PAK6: variants seen among roughly 807,000 people sequenced by gnomAD.
PAK6 encodes the protein p21 (RAC1) activated kinase 6.
A neutral mutation model predicts 60.8 loss-of-function variants in PAK6; 33 were observed. The ratio of observed to expected loss-of-function variants is 0.54; its 90% CI spans 0.41 to 0.73. The LOEUF (loss-of-function observed/expected upper bound fraction) is 0.73. Among genes scored for constraint, PAK6 ranks in the 30% least tolerant of loss-of-function variants. PAK6 has a pLI of 0.00. For missense variants in PAK6, 845 were observed against 904.1 expected (o/e 0.93, Z 0.84); for synonymous variants, 404 against 378.5 (o/e 1.07, Z -0.78).
intron 10 of PAK6, 89 bp downstream of exon 10, chr15:40,274,365 C>A: frequency 7.3e-7 from 1 of 1,371,166 alleles, no homozygotes; most frequent in Non-Finnish European, 9.9e-7. Context: ...ATCTCCCTTC[C>A]ACTGAAGCCA....
rs546432293 is a variant in PAK6 at position 40,273,543 on chromosome 15, A to G, written c.1618-8A>G. 3.1e-6 allele frequency: 5 copies of G among 1,613,814 alleles called. No individual in the cohort carries two copies. The African/African-American group carries it at 6.7e-5, about 22-fold the overall frequency. On this transcript the variant is annotated splice_region_variant and splice_polypyrimidine_tract_variant and intron_variant, in intron 8 of 10. Transcript: ENST00000560346. ...CTGATCCACCACTCACTCCCTTTTCAACCGCAGGTGAAGCTCTCGGACTTC... is the reference window on the plus strand; with the variant it reads ...CTGATCCACCACTCACTCCCTTTTCGACCGCAGGTGAAGCTCTCGGACTTC...
chr15:40,253,932 A>G (rs1286080915), intron 3 of PAK6, among the ~76,000 whole-genome samples: 2 of 152,114 alleles, frequency 1.3e-5, no homozygotes, highest in Admixed American at 6.5e-5. Context: ...TGAAGGGGGC[A>G]GAGGGGCTCA....
At chr15:40,243,936 T>C (rs569952131) in intron 2 of PAK6, among the ~76,000 whole-genome samples, 2 of 152,302 alleles carry the variant, frequency 1.3e-5, no homozygotes, top group East Asian at 3.9e-4. Context: ...TGTGTTCTGC[T>C]GAGCCCCATC....
intron 2 of PAK6, among the ~76,000 whole-genome samples, chr15:40,250,465 T>C (rs2038632727): frequency 6.6e-6 from 1 of 152,170 alleles, no homozygotes; most frequent in African/African-American, 2.4e-5. Flanking sequence ...CCTCCAGTGA[T>C]GGGGGACTCA....
At chr15:40,252,104 TTGGGGCCCTGTCCACA>T (rs2038685716) in intron 2 of PAK6, 9 of 368,200 alleles carry the variant, frequency 2.4e-5, no homozygotes, top group Non-Finnish European at 4.4e-5. Context: ...CAGCACAGTC[TTGGGGCCCTGTCCACA>T]TGGGACAGAT....
exon 11 of PAK6, chr15:40,276,165 A>AAGT: frequency 3.6e-6 from 5 of 1,396,910 alleles, no homozygotes; most frequent in Non-Finnish European, 5.0e-6. Flanking sequence ...TGCCGGCAGG[A>AAGT]CTTGCCTGCC....
chr15:40,253,000 C>G, intron 2 of PAK6, 178 bp from the exon 3 acceptor site: 2 of 457,190 alleles, frequency 4.4e-6, no homozygotes, highest in South Asian at 4.0e-5. Context: ...CTGCGCCCAA[C>G]GTCCCCTTCT....
chr15:40,252,219 C>T (rs1161283493), intron 2 of PAK6: 1 of 1,169,546 alleles, frequency 8.6e-7, no homozygotes, highest in South Asian at 1.6e-5. Flanking sequence ...CCGGGAGAGT[C>T]GGCCCGCGGC....
At chr15:40,272,988 C>T in exon 7 of PAK6, 1 of 1,613,782 alleles carries the variant, frequency 6.2e-7, no homozygotes, top group Non-Finnish European at 8.5e-7. Context: ...CAGACATCGT[C>T]TCCCAAGTCA....
At chr15:40,266,453 C>T (rs1468359418) in exon 5 of PAK6, 2 of 1,612,082 alleles carry the variant, frequency 1.2e-6, no homozygotes, top group Admixed American at 3.3e-5. Context: ...CTGCCACAGC[C>T]CCTCCAAGCA....
rs541053453 is a variant in PAK6, at chr15:40,255,216, G to A, written c.-6+1927G>A. On this transcript the variant is annotated intron_variant, in intron 3 of 10. Transcript: ENST00000560346. The stretch of plus-strand genomic sequence containing the variant: ...TGAGAATCTAGGGTAGGCCGGGCGC[G>A]GTGGCTCACGCCTGTTGACACAAGT... 5.3e-5 allele frequency among the ~76,000 whole-genome samples: 8 copies of A among 152,202 alleles called. No individual in the cohort carries two copies. The South Asian group carries it at 1.0e-3, about 20-fold the overall frequency.
intron 10 of PAK6, among the ~76,000 whole-genome samples, chr15:40,274,783 A>C (rs1038554656): frequency 1.3e-5 from 2 of 152,226 alleles, no homozygotes; most frequent in African/African-American, 4.8e-5. Flanking sequence ...AGTGCATGGA[A>C]GTGTATACAT....
intron 2 of PAK6, chr15:40,252,645 C>A (rs776112408): frequency 7.5e-7 from 1 of 1,327,730 alleles, no homozygotes; most frequent in South Asian, 1.2e-5. Flanking sequence ...AGGGCGGGCC[C>A]GGCTCCCACG....
chr15:40,273,876 C>G, intron 9 of PAK6, 200 bp downstream of exon 9: 1 of 717,646 alleles, frequency 1.4e-6, no homozygotes, highest in Non-Finnish European at 2.3e-6. Context: ...AAGTGCTTTC[C>G]TCAGCTCAAG....
chr15:40,259,745 C>T (rs1335790048), intron 3 of PAK6: 1 of 137,766 alleles, frequency 7.3e-6, no homozygotes, highest in African/African-American at 2.7e-5. Flanking sequence ...CAAGATCGCA[C>T]CACTGTACTC....
exon 11 of PAK6, chr15:40,276,361 A>G: frequency 2.1e-6 from 1 of 474,936 alleles, no homozygotes; most frequent in Non-Finnish European, 3.8e-6. Context: ...TAAGAAACGC[A>G]GAGGCCAGCG....
intron 2 of PAK6, among the ~76,000 whole-genome samples, chr15:40,241,216 G>A (rs2038319455): frequency 6.6e-6 from 1 of 152,188 alleles, no homozygotes; most frequent in Non-Finnish European, 1.5e-5. Context: ...GGTCAGCTTT[G>A]GGGACATCGG....
At chr15:40,266,023 A>G in exon 5 of PAK6, 8 of 1,601,430 alleles carry the variant, frequency 5.0e-6, no homozygotes, top group Non-Finnish European at 6.8e-6. Flanking sequence ...CCAGACATGT[A>G]CCTCCAGAGC....
chr15:40,267,375 C>T (rs945210695), intron 5 of PAK6, among the ~76,000 whole-genome samples: 3 of 152,122 alleles, frequency 2.0e-5, no homozygotes, highest in East Asian at 3.9e-4. Context: ...AAGTTCTGGG[C>T]GGCCGCGCGT....
Sources: allele counts gnomAD v4.1 joint callset (sites outside exome capture counted in the v4.1 genomes callset), GRCh38; gene constraint gnomAD v4.1.1; transcripts MANE v1.5; gene names NCBI Gene and HGNC (gene_info 2026-07-23, HGNC 2026-07-21).